Variants in CKAP5 observed in about 807,000 individuals in gnomAD.
CKAP5 encodes cytoskeleton-associated protein 5.
A neutral mutation model predicts 232.8 loss-of-function variants in CKAP5; 27 were observed. The observed-to-expected ratio is 0.12, with a 90% CI of 0.09 to 0.16. The LOEUF is 0.16. Among genes scored for constraint, CKAP5 ranks in the 10% least tolerant of loss-of-function variants. The pLI, the probability that CKAP5 is intolerant of heterozygous loss-of-function variation, is 1.00. For missense variants in CKAP5, 1,838 were observed against 2,424.7 expected (o/e 0.76, Z 5.08); for synonymous variants, 785 against 841.1 (o/e 0.93, Z 1.16).
At chr11:46,799,890 A>C (rs1288578505) in intron 9 of CKAP5, among the ~76,000 whole-genome samples, 1 of 152,022 alleles carries the variant, frequency 6.6e-6, no homozygotes, top group Non-Finnish European at 1.5e-5. Context: ...AGTCCCAGCT[A>C]CTCAGGAGAC....
At chr11:46,796,691 T>TA (rs968243670) in intron 12 of CKAP5, 121 bp downstream of exon 12, 30 of 1,125,918 alleles carry the variant, frequency 2.7e-5, no homozygotes, top group Middle Eastern at 2.2e-4. Context: ...AATGGCAATT[T>TA]AAAAAAAATC....
intron 2 of CKAP5, chr11:46,820,943 CCACTTACTTTT>C (rs1463013625): frequency 1.3e-5 from 6 of 475,492 alleles, no homozygotes; most frequent in African/African-American, 2.0e-5. Context: ...TTCATAGATA[CCACTTACTTTT>C]CACTTCACTA....
chr11:46,790,413 T>C, intron 14 of CKAP5, 57 bp downstream of exon 14: 1 of 1,243,834 alleles, frequency 8.0e-7, no homozygotes, highest in Non-Finnish European at 1.2e-6. Flanking sequence ...TCCAGTCTTC[T>C]CATTGGTCTC....
chr11:46,846,030 C>T (rs1940181946), intron 1 of CKAP5, among the ~76,000 whole-genome samples, 190 bp downstream of exon 1: 1 of 151,830 alleles, frequency 6.6e-6, no homozygotes, highest in Non-Finnish European at 1.5e-5. Flanking sequence ...AGCGCCCACG[C>T]CCCCGGCCCT....
At chr11:46,766,155 T>A (rs551526792) in intron 27 of CKAP5, among the ~76,000 whole-genome samples, 2 of 152,252 alleles carry the variant, frequency 1.3e-5, no homozygotes, top group African/African-American at 2.4e-5. Flanking sequence ...TCATTATTAT[T>A]ATAAATGTAG....
At chr11:46,811,354 T>C (rs1333444825) in intron 4 of CKAP5, among the ~76,000 whole-genome samples, 176 bp from the exon 5 acceptor site, 1 of 152,236 alleles carries the variant, frequency 6.6e-6, no homozygotes, top group Non-Finnish European at 1.5e-5. Flanking sequence ...ACTAAGGTGT[T>C]GTTCTTCTAA....
At chr11:46,789,285 T>C (rs2134636852) in intron 15 of CKAP5, among the ~76,000 whole-genome samples, 1 of 152,314 alleles carries the variant, frequency 6.6e-6, no homozygotes, top group South Asian at 2.1e-4. Flanking sequence ...CTCCTTACCG[T>C]TCCTCATTAG....
Position 46,762,715 on chromosome 11 carries a change from C to G in CKAP5, c.3939G>C (p.Leu1313=). 6.2e-7 allele frequency: 1 copy of G among 1,614,006 alleles called. No homozygotes were observed. Among genetic ancestry groups the G allele is most frequent in the Non-Finnish European group, 8.5e-7 (1 of 1,179,886 alleles). The change falls in exon 31 of 44, where the codon CTG becomes CTC. Residue 1313 remains leucine (L), a synonymous_variant. Coordinates refer to ENST00000529230, the MANE Select transcript of CKAP5 (RefSeq NM_001008938.4). ...DVIRKDVRAI[L]NRMCLVYPAS... is the part of the protein sequence containing the mutation. ...CTGGGTAGACAAGGCACATCCGGTT[C>G]AGGATGGCACGAACATCTTTACGAA... is the stretch of plus-strand genomic sequence containing the variant.
chr11:46,821,642 G>A (rs1180867317), intron 1 of CKAP5, among the ~76,000 whole-genome samples: 2 of 151,864 alleles, frequency 1.3e-5, no homozygotes, highest in Admixed American at 6.6e-5. Context: ...AGCCAGGACA[G>A]TCTCGATCCT....
intron 4 of CKAP5, among the ~76,000 whole-genome samples, chr11:46,811,485 T>C (rs1309582356): frequency 6.6e-6 from 1 of 152,196 alleles, no homozygotes; most frequent in Non-Finnish European, 1.5e-5. Context: ...ACCCTTTTTT[T>C]TTCTTTTTCA....
intron 13 of CKAP5, among the ~76,000 whole-genome samples, chr11:46,791,456 G>A (rs1938719565): frequency 6.6e-6 from 1 of 151,890 alleles, no homozygotes; most frequent in African/African-American, 2.4e-5. Context: ...AGGATCCCTT[G>A]AGCCCAGCAG....
chr11:46,826,769 G>T, intron 1 of CKAP5: 2 of 153,600 alleles, frequency 1.3e-5, no homozygotes, highest in South Asian at 3.6e-4. Context: ...TACGCTCCCC[G>T]GGCAGGGAGA....
intron 1 of CKAP5, among the ~76,000 whole-genome samples, chr11:46,845,433 G>A (rs541089113): frequency 6.6e-6 from 1 of 152,270 alleles, no homozygotes; most frequent in South Asian, 2.1e-4. Context: ...TAGCCACTCT[G>A]GCAACAACCC....
intron 4 of CKAP5, among the ~76,000 whole-genome samples, chr11:46,814,130 T>A (rs1363879421): frequency 7.9e-5 from 3 of 37,744 alleles, no homozygotes; most frequent in East Asian, 5.1e-4. Flanking sequence ...AGACCTTGTC[T>A]CAAAAAAAAA....
At chr11:46,837,350 G>C (rs1459019453) in intron 1 of CKAP5, among the ~76,000 whole-genome samples, 2 of 152,136 alleles carry the variant, frequency 1.3e-5, no homozygotes, top group East Asian at 1.9e-4. Flanking sequence ...ACTACTGAAA[G>C]TGATCTATGG....
chr11:46,839,956 T>C (rs1037074749), intron 1 of CKAP5, among the ~76,000 whole-genome samples: 2 of 152,116 alleles, frequency 1.3e-5, no homozygotes, highest in Admixed American at 6.6e-5. Flanking sequence ...CTGAGTAACA[T>C]GGCAAAACCC....
At chr11:46,840,200 A>G (rs975224456) in intron 1 of CKAP5, among the ~76,000 whole-genome samples, 2 of 152,200 alleles carry the variant, frequency 1.3e-5, no homozygotes, top group Non-Finnish European at 2.9e-5. Context: ...AGCTACTGCT[A>G]GTAAAAGTAT....
chr11:46,814,933 T>C (rs890225873), intron 4 of CKAP5, among the ~76,000 whole-genome samples: 1 of 152,226 alleles, frequency 6.6e-6, no homozygotes, highest in African/African-American at 2.4e-5. Flanking sequence ...CGAAAGTCTA[T>C]ACTTAAGATA....
intron 13 of CKAP5, among the ~76,000 whole-genome samples, chr11:46,792,832 T>C (rs1297959473): frequency 1.3e-5 from 2 of 151,964 alleles, no homozygotes; most frequent in African/African-American, 4.8e-5. Flanking sequence ...TCTTTTAAGG[T>C]TTTGGGTCCA....
Sources: gnomAD v4.1 joint callset for allele counts (sites outside exome capture counted in the v4.1 genomes callset) on GRCh38, gnomAD v4.1.1 for gene constraint, MANE v1.5 for transcripts, NCBI Gene and HGNC (gene_info 2026-07-23, HGNC 2026-07-21) for gene names.